The following BLTP1 variants were observed in gnomAD, a reference collection of about 807,000 sequenced individuals.
BLTP1 encodes fragile site-associated protein.
At chr4:122,318,519 T>C in the BLTP1 span, among the ~76,000 whole-genome samples, 1 of 152,164 alleles carries the variant, frequency 6.6e-6, no homozygotes, top group Non-Finnish European at 1.5e-5. Flanking sequence ...CAAACCTAGG[T>C]TGTAGGACTC....
At chr4:122,330,234 A>G in the BLTP1 span, among the ~76,000 whole-genome samples, 1 of 151,798 alleles carries the variant, frequency 6.6e-6, no homozygotes, top group South Asian at 2.1e-4. Context: ...ATTCTTTTGG[A>G]TAAATACCCA....
At chr4:122,325,430 GT>G in the BLTP1 span, 4 of 1,401,432 alleles carry the variant, frequency 2.9e-6, no homozygotes, top group Non-Finnish European at 3.7e-6. Flanking sequence ...TATAATCAAA[GT>G]ATGGATTGTG....
chr4:122,182,687 C>A, the BLTP1 span: 1 of 985,288 alleles, frequency 1.0e-6, no homozygotes, highest in Non-Finnish European at 1.2e-6. Context: ...TGGGACCATA[C>A]GAAATGTTCT....
the BLTP1 span, chr4:122,219,122 T>G: frequency 1.0e-6 from 1 of 984,064 alleles, no homozygotes; most frequent in Non-Finnish European, 1.2e-6. Context: ...AAATAGGCTC[T>G]GTAACTTTTT....
At chr4:122,337,646 C>T in the BLTP1 span, among the ~76,000 whole-genome samples, 92 of 151,726 alleles carry the variant, frequency 6.1e-4, no homozygotes, top group South Asian at 1.0e-3. Flanking sequence ...CATTTTATGC[C>T]TTTATTTTGG....
At chr4:122,190,888 T>C in the BLTP1 span, among the ~76,000 whole-genome samples, 3 of 152,160 alleles carry the variant, frequency 2.0e-5, no homozygotes, top group African/African-American at 7.2e-5. Flanking sequence ...AAGGTCAAAG[T>C]ATTTTGAAAG....
the BLTP1 span, chr4:122,353,940 G>A: frequency 2.8e-5 from 45 of 1,613,562 alleles, no homozygotes; most frequent in Middle Eastern, 1.6e-4. This position sits in a 1 kb window ranked among gnomAD's most constrained non-coding sequence, Gnocchi z 4.3. Context: ...ATAACAAGGC[G>A]TCGCCATGAA....
At chr4:122,170,032 C>T in the BLTP1 span, 10 of 979,054 alleles carry the variant, frequency 1.0e-5, no homozygotes, top group East Asian at 2.3e-4. Context: ...TCACGCTGGG[C>T]GCGGTGGCTC....
At chr4:122,155,324 A>ATT in the BLTP1 span, among the ~76,000 whole-genome samples, 6 of 141,762 alleles carry the variant, frequency 4.2e-5, no homozygotes, top group Non-Finnish European at 4.6e-5. Flanking sequence ...GGAAGCTAGG[A>ATT]TTTTTTTTTT....
At chr4:122,278,244 C>A in the BLTP1 span, among the ~76,000 whole-genome samples, 1 of 151,238 alleles carries the variant, frequency 6.6e-6, no homozygotes, top group East Asian at 1.9e-4. Flanking sequence ...TCAGTGATAC[C>A]AGCCATTTAT....
At chr4:122,284,952 T>C in the BLTP1 span, among the ~76,000 whole-genome samples, 3 of 152,234 alleles carry the variant, frequency 2.0e-5, no homozygotes, top group African/African-American at 7.2e-5. Flanking sequence ...ATTTTAGGCT[T>C]TCTTTATTAA....
At chr4:122,215,966 A>T in the BLTP1 span, among the ~76,000 whole-genome samples, 1 of 152,100 alleles carries the variant, frequency 6.6e-6, no homozygotes, top group African/African-American at 2.4e-5. Context: ...TACTTCACTT[A>T]GAATAATGGT....
At chr4:122,317,963 G>A in the BLTP1 span, 1 of 177,844 alleles carries the variant, frequency 5.6e-6, no homozygotes, top group Admixed American at 6.5e-5. Flanking sequence ...TCAAACATTA[G>A]AGAGAGATGT....
At chr4:122,219,274 C>G in the BLTP1 span, 5 of 1,563,438 alleles carry the variant, frequency 3.2e-6, no homozygotes, top group Non-Finnish European at 4.3e-6. Flanking sequence ...CAAATTTAGG[C>G]TCATAGGTGA....
At chr4:122,330,198 A>C in the BLTP1 span, among the ~76,000 whole-genome samples, 2 of 151,780 alleles carry the variant, frequency 1.3e-5, no homozygotes, top group East Asian at 1.9e-4. Flanking sequence ...TGGGAGTGCT[A>C]ATATCTCTTT....
chr4:122,175,328 A>G, the BLTP1 span: 1 of 909,116 alleles, frequency 1.1e-6, no homozygotes, highest in Non-Finnish European at 1.3e-6. Context: ...AGAGACTGTA[A>G]GTTCATCCTT....
chr4:122,345,116 A>G, the BLTP1 span: 3 of 745,012 alleles, frequency 4.0e-6, no homozygotes, highest in Admixed American at 1.9e-4. Context: ...TGGTATGTTC[A>G]CTTAACCCAA....
At chr4:122,203,491 G>T in the BLTP1 span, among the ~76,000 whole-genome samples, 10 of 151,920 alleles carry the variant, frequency 6.6e-5, no homozygotes, top group Non-Finnish European at 1.3e-4. Context: ...TGAGTTGTTG[G>T]TGGGTTTTTT....
the BLTP1 span, chr4:122,202,387 ATAACTCTC>A: frequency 6.5e-6 from 1 of 155,014 alleles, no homozygotes; most frequent in African/African-American, 2.4e-5. Context: ...AATCCTCACA[ATAACTCTC>A]AGGGATCAAT....
Sources: allele counts gnomAD v4.1 joint callset (sites outside exome capture counted in the v4.1 genomes callset), GRCh38; gene constraint gnomAD v4.1.1; non-coding constraint Gnocchi (gnomAD v3.1); transcripts MANE v1.5; gene names NCBI Gene and HGNC (gene_info 2026-07-23, HGNC 2026-07-21).